The following CYRIA variants were observed in gnomAD, a reference collection of about 807,000 sequenced individuals.
CYRIA encodes CYFIP-related Rac1 interactor A.
In CYRIA, 15 loss-of-function variants were observed where a neutral mutation model predicts 43.9. The observed-to-expected ratio is 0.34, with a 90% CI of 0.23 to 0.53. The LOEUF (loss-of-function observed/expected upper bound fraction) is 0.53. Among genes scored for constraint, CYRIA ranks in the 20% least tolerant of loss-of-function variants. The pLI is 0.94. For missense variants in CYRIA, 236 were observed against 394.2 expected, an observed-to-expected ratio of 0.60 and a Z score of 3.40; for synonymous variants, 117 against 136.0, an observed-to-expected ratio of 0.86 and a Z score of 0.97.
At chr2:16,574,062 A>G (rs766962326) in intron 3 of CYRIA, among the ~76,000 whole-genome samples, 3 of 152,198 alleles carry the variant, frequency 2.0e-5, no homozygotes, top group African/African-American at 4.8e-5. Flanking sequence ...AATAGCTTTG[A>G]CCAAAATGCT....
chr2:16,574,166 G>A (rs780055853), intron 3 of CYRIA, among the ~76,000 whole-genome samples: 5 of 152,162 alleles, frequency 3.3e-5, no homozygotes, highest in African/African-American at 9.7e-5. Flanking sequence ...CTCTTGTTAT[G>A]TTTTAGCAAA....
intron 3 of CYRIA, among the ~76,000 whole-genome samples, chr2:16,574,317 G>A (rs1667248187): frequency 6.6e-6 from 1 of 152,208 alleles, no homozygotes; most frequent in South Asian, 2.1e-4. Flanking sequence ...AAGACATTCA[G>A]TTTTAAATGG....
At chr2:16,603,294 G>A (rs984045377) in intron 2 of CYRIA, among the ~76,000 whole-genome samples, 2 of 152,228 alleles carry the variant, frequency 1.3e-5, no homozygotes, top group African/African-American at 2.4e-5. Context: ...AGGCCAGAGT[G>A]AGGAGGGTGC....
intron 1 of CYRIA, among the ~76,000 whole-genome samples, chr2:16,664,943 G>C (rs1435106025): frequency 6.6e-6 from 1 of 152,170 alleles, no homozygotes; most frequent in African/African-American, 2.4e-5. Context: ...CAAAACAGTG[G>C]CTGGGGGAAT....
intron 3 of CYRIA, among the ~76,000 whole-genome samples, chr2:16,567,092 C>T (rs1290151105): frequency 6.6e-6 from 1 of 151,926 alleles, no homozygotes; most frequent in African/African-American, 2.4e-5. Context: ...GGGTTGTTTA[C>T]CAGTGTTTCT....
At chr2:16,590,068 G>GCACACACA (rs70961461) in intron 2 of CYRIA, among the ~76,000 whole-genome samples, 2,264 of 147,788 alleles carry the variant, frequency 0.015, 61 homozygotes, top group African/African-American at 0.05. Flanking sequence ...GGGCATGCAT[G>GCACACACA]CACACACACA....
chr2:16,637,177 T>C (rs1404382128), intron 1 of CYRIA, among the ~76,000 whole-genome samples: 1 of 152,166 alleles, frequency 6.6e-6, no homozygotes, highest in African/African-American at 2.4e-5. Context: ...ATTTCTTTGA[T>C]TGCAGTGCTC....
chr2:16,614,373 C>CAAACA (rs1668707151), intron 2 of CYRIA, among the ~76,000 whole-genome samples: 1 of 152,200 alleles, frequency 6.6e-6, no homozygotes, highest in Non-Finnish European at 1.5e-5. Flanking sequence ...TTAAACCAAA[C>CAAACA]AAACAAACGC....
chr2:16,659,579 C>T (rs1670195669), intron 1 of CYRIA, among the ~76,000 whole-genome samples: 1 of 152,148 alleles, frequency 6.6e-6, no homozygotes, highest in Non-Finnish European at 1.5e-5. Context: ...TCTTCTTGGA[C>T]TCTCCACTTG....
At chr2:16,557,210 C>G (rs572667544) in intron 10 of CYRIA, among the ~76,000 whole-genome samples, 1 of 152,236 alleles carries the variant, frequency 6.6e-6, no homozygotes, top group African/African-American at 2.4e-5. Flanking sequence ...TGGATGATTC[C>G]CCCTGCCTGG....
chr2:16,641,326 C>T (rs575580451), intron 1 of CYRIA, among the ~76,000 whole-genome samples: 58 of 152,294 alleles, frequency 3.8e-4, no homozygotes, highest in Admixed American at 2.2e-3. Context: ...CCGTATGCCA[C>T]GCCTTCAGCC....
intron 2 of CYRIA, among the ~76,000 whole-genome samples, chr2:16,601,233 G>A (rs1361597144): frequency 6.6e-6 from 1 of 152,096 alleles, no homozygotes; most frequent in African/African-American, 2.4e-5. Context: ...GAGTTTGCTC[G>A]ATAGAAGAAG....
chr2:16,562,059 C>A lies in CYRIA; in HGVS notation c.381G>T (p.Leu127=), dbSNP rs769612268. The change falls in exon 6 of 12, where the codon CTG becomes CTT. Residue 127 remains leucine, a synonymous_variant. Transcript: ENST00000381323. The stretch of plus-strand genomic sequence containing the variant: ...GTAAAATTTCGGCAAACTCCTTTGC[C>A]AGGGCCTGTTCCCTTTCCAGGTGTT... ...PTQHLEREQA[L]AKEFAEILHF... is the part of the protein sequence containing the mutation. 6.2e-7 allele frequency: 1 copy of A among 1,613,624 alleles called. No individual in the cohort carries two copies. The highest frequency in any genetic ancestry group is 8.5e-7 in the Non-Finnish European group (1 of 1,179,638).
chr2:16,588,129 C>A lies in CYRIA; in HGVS notation c.-10G>T. On this transcript the variant is annotated splice_region_variant and 5_prime_UTR_variant, in exon 3 of 12. Coordinates refer to ENST00000381323, the MANE Select transcript of CYRIA (RefSeq NM_030797.4). ...TGAGCAGGTTTCCCATCCCAGCAAA[C>A]CTAGGAAAGGCAACACAAAACCAAA... is the stretch of plus-strand genomic sequence containing the variant. The A allele has an allele frequency of 6.3e-7, 1 of 1,599,324 alleles. No individual in the cohort carries two copies. Among genetic ancestry groups the A allele is most frequent in the Non-Finnish European group, 8.5e-7 (1 of 1,172,080 alleles).
intron 1 of CYRIA, among the ~76,000 whole-genome samples, chr2:16,651,982 T>C (rs1669987288): frequency 1.3e-5 from 2 of 152,182 alleles, no homozygotes; most frequent in Admixed American, 6.5e-5. Flanking sequence ...AGTTTTTGAA[T>C]AAGGAAAAGG....
At chr2:16,571,838 C>T (rs1210682620) in intron 3 of CYRIA, among the ~76,000 whole-genome samples, 1 of 152,144 alleles carries the variant, frequency 6.6e-6, no homozygotes, top group Non-Finnish European at 1.5e-5. Context: ...AACTAAGAAG[C>T]ATAAATAATT....
intron 3 of CYRIA, among the ~76,000 whole-genome samples, chr2:16,567,390 G>A (rs1216378797): frequency 2.6e-5 from 4 of 152,054 alleles, no homozygotes; most frequent in Non-Finnish European, 5.9e-5. Context: ...GCAACAGGGT[G>A]AGACACCATC....
intron 1 of CYRIA, among the ~76,000 whole-genome samples, chr2:16,662,381 A>G (rs1000053382): frequency 2.0e-5 from 3 of 152,256 alleles, no homozygotes; most frequent in African/African-American, 7.2e-5. Context: ...GATCATTTAA[A>G]TCTTAGAAGG....
intron 2 of CYRIA, among the ~76,000 whole-genome samples, chr2:16,620,568 A>C (rs975751110): frequency 1.3e-5 from 2 of 152,252 alleles, no homozygotes; most frequent in Non-Finnish European, 2.9e-5. Context: ...CAGGGTTTCA[A>C]ATAAAATTAG....
Sources: gnomAD v4.1 joint callset for allele counts (sites outside exome capture counted in the v4.1 genomes callset) on GRCh38, gnomAD v4.1.1 for gene constraint, MANE v1.5 for transcripts, NCBI Gene and HGNC (gene_info 2026-07-23, HGNC 2026-07-21) for gene names.